CYP7B1: variants seen among roughly 807,000 people sequenced by gnomAD.
CYP7B1 encodes cytochrome P450 family 7 subfamily B member 1.
Under a neutral mutation model 42.7 loss-of-function variants are expected in CYP7B1, and 29 were observed. The ratio of observed to expected loss-of-function variants is 0.68; its 90% CI spans 0.51 to 0.93. The LOEUF is 0.93. Ranked by LOEUF, CYP7B1 falls within the 40% of genes least tolerant of loss-of-function variation. The pLI is 0.00. For synonymous variants in CYP7B1, 235 were observed against 218.2 expected (o/e 1.08, Z -0.68); for missense variants, 655 against 600.5 (o/e 1.09, Z -0.95).
chr8:64,724,574 TAAAG>T (rs757564716), intron 1 of CYP7B1, among the ~76,000 whole-genome samples: 4 of 152,218 alleles, frequency 2.6e-5, no homozygotes, highest in Non-Finnish European at 4.4e-5. Context: ...TTTTCACAAA[TAAAG>T]AAGAGATGTC....
intron 5 of CYP7B1, 124 bp from the exon 6 acceptor site, chr8:64,597,053 A>C: frequency 1.2e-6 from 1 of 814,800 alleles, no homozygotes; most frequent in Non-Finnish European, 1.8e-6. Flanking sequence ...AACACCAGAA[A>C]AACTTGGCTG....
At chr8:64,702,356 G>T (rs1287716089) in intron 1 of CYP7B1, among the ~76,000 whole-genome samples, 1 of 152,038 alleles carries the variant, frequency 6.6e-6, no homozygotes, top group Non-Finnish European at 1.5e-5. Flanking sequence ...AGCTTAGGCT[G>T]GCAGCGTATC....
At chr8:64,741,345 GT>G (rs1441637120) in intron 1 of CYP7B1, among the ~76,000 whole-genome samples, 4 of 151,622 alleles carry the variant, frequency 2.6e-5, no homozygotes. Flanking sequence ...TTTTGAGACA[GT>G]TTTGCTCTTG....
intron 1 of CYP7B1, among the ~76,000 whole-genome samples, chr8:64,754,250 C>T (rs534983439): frequency 2.5e-4 from 38 of 152,238 alleles, no homozygotes; most frequent in Admixed American, 1.4e-3. Context: ...GAGAGTGGTA[C>T]GCATGATATG....
rs559976236 is a variant in CYP7B1, at chr8:64,674,621, T to C, written c.123-50082A>G. Among the ~76,000 whole-genome samples the C allele has an allele frequency of 2.0e-5, 3 of 152,250 alleles. No individual in the cohort carries two copies. In the South Asian group the frequency reaches 6.2e-4, roughly 32 times the overall value. On this transcript the variant is annotated intron_variant, in intron 1 of 5. Coordinates refer to ENST00000310193, the MANE Select transcript of CYP7B1 (RefSeq NM_004820.5). Reference sequence around the variant, plus strand: ...TGAAAAAAGGCAAAGACAAAAAGAATGGGATATTTTCTTTCTTGCAGAAAC... The same window carrying C: ...TGAAAAAAGGCAAAGACAAAAAGAACGGGATATTTTCTTTCTTGCAGAAAC...
downstream of CYP7B1, among the ~76,000 whole-genome samples, chr8:64,587,156 G>C (rs1465461901): frequency 6.6e-6 from 1 of 152,230 alleles, no homozygotes; most frequent in African/African-American, 2.4e-5. Context: ...CCTTCCAGCA[G>C]GTCCAGCATC....
At chr8:64,669,038 T>C (rs1001342779) in intron 1 of CYP7B1, among the ~76,000 whole-genome samples, 3 of 152,202 alleles carry the variant, frequency 2.0e-5, no homozygotes, top group African/African-American at 7.2e-5. Context: ...TACCATTTTG[T>C]AGGTATTAGC....
At chr8:64,675,984 C>T (rs1806440230) in intron 1 of CYP7B1, among the ~76,000 whole-genome samples, 1 of 152,126 alleles carries the variant, frequency 6.6e-6, no homozygotes, top group South Asian at 2.1e-4. Context: ...GAAGGCAGGG[C>T]CTGTGTGTTT....
chr8:64,722,756 GC>G lies in CYP7B1; in HGVS notation c.122+75709del, dbSNP rs1430773433. 8.6e-3 allele frequency among the ~76,000 whole-genome samples: 599 copies of G among 69,658 alleles called. 2 individuals are homozygous for G. Among genetic ancestry groups the G allele is most frequent in the African/African-American group, 0.016 (278 of 17,212 alleles). 45.7% of individuals were successfully genotyped at this position (69,658 alleles called of 152,430 possible). On this transcript the variant is annotated intron_variant, in intron 1 of 5. Coordinates refer to ENST00000310193, the MANE Select transcript of CYP7B1 (RefSeq NM_004820.5). ...GATTTTTTGCGGCGGGGGGGGGGGG[GC>G]GGGAGGTTTTTTTTTATTATTATTA...
Position 64,692,711 on chromosome 8 carries a change from A to AT in CYP7B1, c.123-68173dup, listed in dbSNP as rs754596669. On this transcript the variant is annotated intron_variant, in intron 1 of 5. Transcript: ENST00000310193. ...CCACACCTGTATTATAATTATCCAT[A>AT]TTTTTTATGAGAGCAGATACTCAGA... Among the ~76,000 whole-genome samples, 5 of 152,268 alleles carry AT rather than the reference A, an allele frequency of 3.3e-5. No individual in the cohort carries two copies. In the East Asian group the frequency reaches 9.6e-4, roughly 29 times the overall value.
intron 5 of CYP7B1, among the ~76,000 whole-genome samples, chr8:64,599,240 G>C (rs971246649): frequency 1.3e-5 from 2 of 151,982 alleles, no homozygotes; most frequent in African/African-American, 4.8e-5. Context: ...CCAGGTTGGA[G>C]TGCAGTGGCG....
intron 4 of CYP7B1, among the ~76,000 whole-genome samples, chr8:64,607,283 GT>G (rs749139552): frequency 6.6e-6 from 1 of 151,314 alleles, no homozygotes; most frequent in Non-Finnish European, 1.5e-5. Context: ...GATTTTACAT[GT>G]TTCCAAAGTG....
rs537956854 is a variant in CYP7B1 at position 64,718,340 on chromosome 8, G to C, written c.122+80126C>G. ...TGTCCATTCTGATGCACATCTGTAA[G>C]AGTTGGCTTTTTGGCCAAGTGTGGT... is the stretch of plus-strand genomic sequence containing the variant. On this transcript the variant is annotated intron_variant, in intron 1 of 5. Transcript: ENST00000310193. Among the ~76,000 whole-genome samples, 20 of 152,288 alleles carry C rather than the reference G, an allele frequency of 1.3e-4. No homozygotes were observed. The South Asian group carries it at 3.9e-3, about 30-fold the overall frequency.
intron 1 of CYP7B1, among the ~76,000 whole-genome samples, chr8:64,648,419 C>A (rs1805986944): frequency 6.6e-6 from 1 of 152,144 alleles, no homozygotes; most frequent in Non-Finnish European, 1.5e-5. Context: ...CTGTCCTGGC[C>A]ACACATATTT....
chr8:64,629,279 T>C (rs1473591841), intron 1 of CYP7B1, among the ~76,000 whole-genome samples: 3 of 151,066 alleles, frequency 2.0e-5, no homozygotes, highest in African/African-American at 4.9e-5. Context: ...TCTATACTTA[T>C]CAGAGTAATT....
chr8:64,737,296 G>GA (rs1807504479), intron 1 of CYP7B1, among the ~76,000 whole-genome samples: 1 of 151,920 alleles, frequency 6.6e-6, no homozygotes, highest in South Asian at 2.1e-4. Flanking sequence ...TCAATATAAA[G>GA]AAAAAATGTA....
At chr8:64,770,636 A>G (rs1804207071) in intron 1 of CYP7B1, among the ~76,000 whole-genome samples, 1 of 152,234 alleles carries the variant, frequency 6.6e-6, no homozygotes, top group Non-Finnish European at 1.5e-5. Flanking sequence ...CAACACAAAT[A>G]AAAACCCAAG....
At chr8:64,640,242 A>G (rs1805833108) in intron 1 of CYP7B1, among the ~76,000 whole-genome samples, 6 of 152,170 alleles carry the variant, frequency 3.9e-5, no homozygotes, top group Admixed American at 3.3e-4. Context: ...TCAGTTAACT[A>G]AAATTTGCCT....
rs34866717 is a variant in CYP7B1, at chr8:64,765,121, G to GA, written c.122+33344dup. Among the ~76,000 whole-genome samples the GA allele has an allele frequency of 1.3e-3, 189 of 144,046 alleles. 1 individual carries two copies. Among genetic ancestry groups the GA allele is most frequent in the East Asian group, 0.012 (58 of 4,986 alleles). 94.5% of individuals were successfully genotyped at this position (144,046 alleles called of 152,430 possible). A position where few individuals can be genotyped will look rare whatever the true frequency, so the allele number is the denominator to read the frequency against. On this transcript the variant is annotated intron_variant, in intron 1 of 5. Transcript: ENST00000310193. ...CCAAGACTTAAAGTATTTGCAGGAT[G>GA]AAAAAAAAAAAATCTATACCAATTC... is the stretch of plus-strand genomic sequence containing the variant.
Sources: allele counts gnomAD v4.1 joint callset (sites outside exome capture counted in the v4.1 genomes callset), GRCh38; gene constraint gnomAD v4.1.1; transcripts MANE v1.5; gene names NCBI Gene and HGNC (gene_info 2026-07-23, HGNC 2026-07-21).